Variants in RANBP3L observed in about 807,000 individuals in gnomAD.
RANBP3L encodes RAN binding protein 3 like, also known as ran-binding protein 3-like.
Under a neutral mutation model 67.2 loss-of-function variants are expected in RANBP3L, and 56 were observed. The observed-to-expected ratio is 0.83, with a 90% confidence interval of 0.67 to 1.04. The LOEUF (loss-of-function observed/expected upper bound fraction) is 1.04. Among genes scored for constraint, RANBP3L ranks in the 50% least tolerant of loss-of-function variants. The pLI is 0.00. For missense variants in RANBP3L, 496 were observed against 535.5 expected (o/e 0.93, Z 0.73); for synonymous variants, 164 against 181.4 (o/e 0.90, Z 0.77).
Position 36,247,930 on chromosome 5 carries a change from T to C in RANBP3L, c.*1724A>G, listed in dbSNP as rs1748376553. Among the ~76,000 whole-genome samples, 1 of 152,178 alleles carries C rather than the reference T, an allele frequency of 6.6e-6. No homozygotes were observed. The highest frequency in any genetic ancestry group is 1.5e-5 in the Non-Finnish European group (1 of 68,024). ...ATAAATGAAGTTATTTGTTCTCTTC[T>C]TCACTTTAGCAATTTATAGTGCAAT... On this transcript the variant is annotated 3_prime_UTR_variant, in exon 14 of 14. Coordinates refer to ENST00000296604, the MANE Select transcript of RANBP3L (RefSeq NM_145000.5).
At chr5:36,260,063 G>C (rs1749259529) in intron 8 of RANBP3L, among the ~76,000 whole-genome samples, 1 of 151,952 alleles carries the variant, frequency 6.6e-6, no homozygotes, top group African/African-American at 2.4e-5. Context: ...TTAGGGTTGT[G>C]GTTAACTGAT....
intron 8 of RANBP3L, among the ~76,000 whole-genome samples, chr5:36,258,084 CA>C (rs1449190636): frequency 2.0e-5 from 3 of 151,926 alleles, no homozygotes; most frequent in Non-Finnish European, 4.4e-5. Flanking sequence ...TGGAAAAAAA[CA>C]AAAAAGTTAT....
chr5:36,294,130 G>C (rs1752015293), intron 1 of RANBP3L, among the ~76,000 whole-genome samples: 1 of 152,114 alleles, frequency 6.6e-6, no homozygotes, highest in South Asian at 2.1e-4. Context: ...TTAGTCTTGG[G>C]AGAGTGTATG....
chr5:36,265,977 C>CAA lies in RANBP3L; in HGVS notation c.269-459_269-458dup, dbSNP rs10717173. 2.2e-3 allele frequency among the ~76,000 whole-genome samples: 169 copies of CAA among 75,832 alleles called. 1 individual carries two copies. The highest frequency in any genetic ancestry group is 6.3e-3 in the African/African-American group (117 of 18,690). 49.7% of individuals were successfully genotyped at this position (75,832 alleles called of 152,430 possible). On this transcript the variant is annotated intron_variant, in intron 4 of 13. Coordinates refer to ENST00000296604, the MANE Select transcript of RANBP3L (RefSeq NM_145000.5). ...GTGTGACAGGAGCGAGACTCCATTT[C>CAA]AAAAAAAAAAAAAAAAAAAAAAAGA...
chr5:36,262,056 A>C lies in RANBP3L; in HGVS notation c.481-14T>G, dbSNP rs1355137402. 2 of 1,351,090 alleles carry C rather than the reference A, an allele frequency of 1.5e-6. No individual in the cohort carries two copies. Among genetic ancestry groups the C allele is most frequent in the Admixed American group, 3.4e-5 (2 of 58,284 alleles). 83.7% of individuals were successfully genotyped at this position (1,351,090 alleles called of 1,614,324 possible). A position where few individuals can be genotyped will look rare whatever the true frequency, so the allele number is the denominator to read the frequency against. On this transcript the variant is annotated splice_polypyrimidine_tract_variant and intron_variant, in intron 6 of 13. Coordinates refer to ENST00000296604, the MANE Select transcript of RANBP3L (RefSeq NM_145000.5). ...TCCCTCAGAAATCTGAAAGTAAAGAAATCCATCAAAAAGTTTATAAAGACT... is the reference window on the plus strand; with the variant it reads ...TCCCTCAGAAATCTGAAAGTAAAGACATCCATCAAAAAGTTTATAAAGACT...
At chr5:36,299,136 T>A (rs1827198) in intron 1 of RANBP3L, among the ~76,000 whole-genome samples, 109,653 of 151,394 alleles carry the variant, frequency 0.72, 40,211 homozygotes, top group African/African-American at 0.8. Flanking sequence ...TCTTTCTCTC[T>A]TGCTATTTGT....
intron 1 of RANBP3L, among the ~76,000 whole-genome samples, chr5:36,279,367 A>G (rs1750818617): frequency 6.6e-6 from 1 of 152,152 alleles, no homozygotes; most frequent in Non-Finnish European, 1.5e-5. Flanking sequence ...TTAATGAAAT[A>G]AACAACAAAC....
intron 4 of RANBP3L, among the ~76,000 whole-genome samples, chr5:36,267,518 A>AAAGAAAGAAAGAAAG (rs1554016468): frequency 6.7e-6 from 1 of 148,438 alleles, no homozygotes; most frequent in African/African-American, 2.5e-5. Context: ...AAAAAAAAAA[A>AAAGAAAGAAAGAAAG]AAAGAAAGAA....
intron 9 of RANBP3L, 88 bp from the exon 10 acceptor site, chr5:36,257,159 A>G (rs1749043811): frequency 8.7e-7 from 1 of 1,146,984 alleles, no homozygotes. Flanking sequence ...ACATATATCT[A>G]CTTGGCTTCT....
At chr5:36,269,693 A>G (rs1027807789) in intron 3 of RANBP3L, among the ~76,000 whole-genome samples, 1 of 152,210 alleles carries the variant, frequency 6.6e-6, no homozygotes, top group African/African-American at 2.4e-5. Flanking sequence ...TAATTTGTAT[A>G]TGCATTCTGA....
chr5:36,252,981 G>T (rs1366286540), intron 12 of RANBP3L, among the ~76,000 whole-genome samples: 1 of 152,004 alleles, frequency 6.6e-6, no homozygotes, highest in Non-Finnish European at 1.5e-5. Flanking sequence ...TCTCCAGTCA[G>T]TCCATGGGGA....
At chr5:36,264,141 AG>A (rs1161211618) in intron 6 of RANBP3L, among the ~76,000 whole-genome samples, 1 of 150,000 alleles carries the variant, frequency 6.7e-6, no homozygotes, top group Non-Finnish European at 1.5e-5. Flanking sequence ...ATAGCAGCAG[AG>A]GCAAGATTAG....
chr5:36,269,944 T>C lies in RANBP3L; in HGVS notation c.190+7A>G. ...TTGATTTTGGAATACAGGATGAAAA[T>C]CATTACCTGGTTCTGCTGCTTCATA... is the stretch of plus-strand genomic sequence containing the variant. On this transcript the variant is annotated splice_region_variant and intron_variant, in intron 3 of 13. Coordinates refer to ENST00000296604, the MANE Select transcript of RANBP3L (RefSeq NM_145000.5). The C allele has an allele frequency of 6.2e-7, 1 of 1,612,204 alleles. No homozygotes were observed. Among genetic ancestry groups the C allele is most frequent in the Non-Finnish European group, 8.5e-7 (1 of 1,178,196 alleles).
intron 4 of RANBP3L, among the ~76,000 whole-genome samples, chr5:36,268,586 G>A (rs6451269): frequency 0.95 from 144,671 of 152,308 alleles, 69,037 homozygotes; most frequent in Non-Finnish European, 0.99. Flanking sequence ...AGCTCATTAT[G>A]AAAGGAATCC....
chr5:36,292,432 T>G (rs991502432), intron 1 of RANBP3L, among the ~76,000 whole-genome samples: 12 of 152,176 alleles, frequency 7.9e-5, no homozygotes, highest in Non-Finnish European at 1.8e-4. Context: ...ATTTTGGCTT[T>G]TGTTGCCATT....
In RANBP3L at chr5:36,276,619, C is replaced by T. The variant is rs1229405629; in HGVS notation, c.92-5308G>A. On this transcript the variant is annotated intron_variant, in intron 1 of 13. Coordinates refer to ENST00000296604, the MANE Select transcript of RANBP3L (RefSeq NM_145000.5). ...TTTTTTCTATTTTATGTACTATATACCCCCCCTAATTTTGGGTGGGTTATA... is the reference window on the plus strand; with the variant it reads ...TTTTTTCTATTTTATGTACTATATATCCCCCCTAATTTTGGGTGGGTTATA... 5.3e-5 allele frequency among the ~76,000 whole-genome samples: 8 copies of T among 151,612 alleles called. No individual in the cohort carries two copies. The Admixed American group carries it at 5.3e-4, about 10-fold the overall frequency.
At chr5:36,286,773 A>G (rs562805078) in intron 1 of RANBP3L, among the ~76,000 whole-genome samples, 1 of 152,164 alleles carries the variant, frequency 6.6e-6, no homozygotes, top group South Asian at 2.1e-4. Context: ...TCTAAAACTC[A>G]GTCTTTGTAC....
At chr5:36,250,098 T>C (rs1382428871) in intron 13 of RANBP3L, among the ~76,000 whole-genome samples, 2 of 152,078 alleles carry the variant, frequency 1.3e-5, no homozygotes, top group Admixed American at 1.3e-4. Flanking sequence ...TAAAATGGAA[T>C]ATAACAGAAT....
chr5:36,291,045 G>A (rs1009239398), intron 1 of RANBP3L, among the ~76,000 whole-genome samples: 8 of 151,736 alleles, frequency 5.3e-5, no homozygotes, highest in African/African-American at 9.7e-5. Flanking sequence ...TGCCTGGCCC[G>A]GCTTTTTTGT....
Sources: gnomAD v4.1 joint callset for allele counts (sites outside exome capture counted in the v4.1 genomes callset) on GRCh38, gnomAD v4.1.1 for gene constraint, MANE v1.5 for transcripts, NCBI Gene and HGNC (gene_info 2026-07-23, HGNC 2026-07-21) for gene names.